The following TLN2 variants were observed in gnomAD, a reference collection of about 807,000 sequenced individuals.
TLN2 encodes the protein talin 2.
In TLN2, 118 loss-of-function variants were observed where a neutral mutation model predicts 294.7. That is an observed-to-expected ratio of 0.40 (90% confidence interval 0.34 to 0.47). The LOEUF (loss-of-function observed/expected upper bound fraction) is 0.47, where lower values mean the gene tolerates loss of function less well. TLN2 is among the 20% of genes least tolerant of loss of function. TLN2 has a pLI of 0.84. For synonymous variants in TLN2, 1,431 were observed against 1,304.5 expected (o/e 1.10, Z -2.09); for missense variants, 3,083 against 3,282.2 (o/e 0.94, Z 1.48).
intron 3 of TLN2, 76 bp from the exon 4 acceptor site, chr15:62,647,199 G>T: frequency 7.3e-7 from 1 of 1,362,046 alleles, no homozygotes; most frequent in Non-Finnish European, 1.0e-6. Flanking sequence ...TTAAAGTCCA[G>T]CACTTTTTTT....
Position 62,761,773 on chromosome 15 carries a change from C to G in TLN2, c.4731C>G (p.Phe1577Leu). 6.2e-7 allele frequency: 1 copy of G among 1,614,142 alleles called. No individual in the cohort carries two copies. The highest frequency in any genetic ancestry group is 8.5e-7 in the Non-Finnish European group (1 of 1,180,034). The change falls in exon 38 of 59, where the codon TTC (phenylalanine) becomes TTG (leucine). Residue 1577 changes from phenylalanine (F) to leucine (L), a missense_variant. Coordinates refer to ENST00000636159, the MANE Select transcript of TLN2 (RefSeq NM_015059.3). ...LIEAVENLTA[F>L]ASNPEFVSIP... ...AAGCTGTGGAGAACCTGACAGCGTTCGCCTCAAACCCTGAGTTTGTCAGCA... is the reference window on the plus strand; with the variant it reads ...AAGCTGTGGAGAACCTGACAGCGTTGGCCTCAAACCCTGAGTTTGTCAGCA...
intron 1 of TLN2, among the ~76,000 whole-genome samples, chr15:62,554,080 G>A (rs1207696489): frequency 6.6e-6 from 1 of 151,814 alleles, no homozygotes; most frequent in Non-Finnish European, 1.5e-5. Flanking sequence ...ATGACTAGAT[G>A]CAGTTGGGTA....
intron 1 of TLN2, among the ~76,000 whole-genome samples, chr15:62,417,607 C>G (rs1475532612): frequency 6.6e-6 from 1 of 152,172 alleles, no homozygotes; most frequent in Non-Finnish European, 1.5e-5. Context: ...CTGTGGGAAC[C>G]TCATACTTTG....
At chr15:62,479,819 C>T (rs1318281059) in intron 1 of TLN2, among the ~76,000 whole-genome samples, 1 of 152,222 alleles carries the variant, frequency 6.6e-6, no homozygotes, top group Non-Finnish European at 1.5e-5. Context: ...CCCTTGAGGG[C>T]AGGGACTGTG....
At chr15:62,784,004 C>T in intron 45 of TLN2, 114 bp downstream of exon 45, 1 of 1,540,396 alleles carries the variant, frequency 6.5e-7, no homozygotes, top group Admixed American at 1.7e-5. Context: ...GTAACCAGAG[C>T]CCAGTTTATT....
intron 52 of TLN2, among the ~76,000 whole-genome samples, chr15:62,818,540 A>G (rs2067297461): frequency 1.3e-5 from 2 of 152,230 alleles, no homozygotes; most frequent in Admixed American, 6.5e-5. Flanking sequence ...TAGTATTCTC[A>G]GTACCTTTTT....
chr15:62,580,769 A>T (rs536414150), intron 1 of TLN2, among the ~76,000 whole-genome samples: 1 of 151,868 alleles, frequency 6.6e-6, no homozygotes, highest in Non-Finnish European at 1.5e-5. Flanking sequence ...AATGATACAC[A>T]TCCACCTTTA....
chr15:62,724,629 G>A (rs529491971), intron 26 of TLN2, among the ~76,000 whole-genome samples: 18 of 152,246 alleles, frequency 1.2e-4, no homozygotes, highest in African/African-American at 4.3e-4. Context: ...ATGACTCTGT[G>A]TACACACATG....
chr15:62,792,507 A>C (rs2065143275), intron 45 of TLN2, 134 bp from the exon 46 acceptor site: 1 of 1,207,982 alleles, frequency 8.3e-7, no homozygotes, highest in Admixed American at 2.7e-5. Flanking sequence ...TTCACCAAAC[A>C]CAGACTCCTA....
intron 54 of TLN2, among the ~76,000 whole-genome samples, chr15:62,825,825 T>TTA (rs1491507979): frequency 4.1e-5 from 1 of 24,508 alleles, no homozygotes; most frequent in African/African-American, 1.4e-4. Context: ...ATAATATATA[T>TTA]TATAATATAT....
At chr15:62,784,069 G>A in intron 45 of TLN2, 179 bp downstream of exon 45, 2 of 1,089,858 alleles carry the variant, frequency 1.8e-6, no homozygotes, top group Non-Finnish European at 2.5e-6. Flanking sequence ...CTGTACTCAA[G>A]TCTCACTGCC....
At chr15:62,689,999 GCGGCT>G in intron 12 of TLN2, among the ~76,000 whole-genome samples, 1 of 23,380 alleles carries the variant, frequency 4.3e-5, no homozygotes, top group African/African-American at 1.0e-4. Context: ...CCCGGACGGG[GCGGCT>G]GGCCGGGCAG....
At chr15:62,783,952 A>G in intron 45 of TLN2, 62 bp downstream of exon 45, 1 of 1,602,108 alleles carries the variant, frequency 6.2e-7, no homozygotes, top group Non-Finnish European at 8.5e-7. Context: ...ACTCCTGGGT[A>G]TTTCTTCATA....
intron 1 of TLN2, among the ~76,000 whole-genome samples, chr15:62,563,677 A>G (rs540536613): frequency 6.6e-6 from 1 of 152,272 alleles, no homozygotes; most frequent in South Asian, 2.1e-4. Flanking sequence ...GCCAATGTCT[A>G]GAAGGTCTCC....
intron 1 of TLN2, among the ~76,000 whole-genome samples, chr15:62,568,604 G>A (rs2043609557): frequency 6.6e-6 from 1 of 152,144 alleles, no homozygotes; most frequent in Admixed American, 6.5e-5. Context: ...TCATCAGAGG[G>A]TACCTTTCTC....
At chr15:62,702,563 A>C (rs12908055) in intron 18 of TLN2, among the ~76,000 whole-genome samples, 144,062 of 152,278 alleles carry the variant, frequency 0.95, 68,603 homozygotes, top group Non-Finnish European at 1. Flanking sequence ...AATCCATACA[A>C]CTATATTGCT....
intron 9 of TLN2, among the ~76,000 whole-genome samples, chr15:62,668,101 G>C (rs971869871): frequency 6.6e-6 from 1 of 152,142 alleles, no homozygotes; most frequent in African/African-American, 2.4e-5. Context: ...CAGTTACATA[G>C]CATAAATAAG....
intron 8 of TLN2, among the ~76,000 whole-genome samples, chr15:62,657,153 TG>T (rs35956846): frequency 4.3e-5 from 6 of 139,494 alleles, no homozygotes; most frequent in African/African-American, 1.3e-4. Flanking sequence ...GCTGAAAAGG[TG>T]GGGGGGGGAA....
In TLN2 at chr15:62,836,002, T is replaced by C; in HGVS notation, c.7303T>C (p.Ser2435Pro). Residue 2435 changes from serine (S) to proline (P), a missense_variant, in exon 57 of 59, where the codon TCC becomes CCC. Coordinates refer to ENST00000636159, the MANE Select transcript of TLN2 (RefSeq NM_015059.3). ...CTCATCTGCCAAGCAGGTCGCCGCT[T>C]CCACGGCTCAGCTGCTGGTGGCCTG... ...LISSAKQVAA[S>P]TAQLLVACKV... is the part of the protein sequence containing the mutation. 1 of 1,613,678 alleles carries C rather than the reference T, an allele frequency of 6.2e-7. No individual in the cohort carries two copies. The highest frequency in any genetic ancestry group is 8.5e-7 in the Non-Finnish European group (1 of 1,179,846).
Sources: gnomAD v4.1 joint callset for allele counts (sites outside exome capture counted in the v4.1 genomes callset) on GRCh38, gnomAD v4.1.1 for gene constraint, MANE v1.5 for transcripts, NCBI Gene and HGNC (gene_info 2026-07-23, HGNC 2026-07-21) for gene names.